Variants in HYAL4 observed in about 807,000 individuals in gnomAD.
HYAL4 encodes the protein hyaluronidase 4.
In HYAL4, 37 loss-of-function variants were observed where a neutral mutation model predicts 35.2. The ratio of observed to expected loss-of-function variants is 1.05; its 90% CI spans 0.81 to 1.38. The LOEUF is 1.38. Ranked by LOEUF, HYAL4 falls within the 40% of genes most tolerant of loss-of-function variation. The pLI, the probability that HYAL4 is intolerant of heterozygous loss-of-function variation, is 0.00. For missense variants in HYAL4, 572 were observed against 572.4 expected, an observed-to-expected ratio of 1.00 and a Z score of 0.01; for synonymous variants, 198 against 203.2, an observed-to-expected ratio of 0.97 and a Z score of 0.22.
At chr7:123,775,957 T>C in the HYAL4 span, among the ~76,000 whole-genome samples, 2 of 152,322 alleles carry the variant, frequency 1.3e-5, no homozygotes, top group East Asian at 3.9e-4. Context: ...ACTTTAGCCA[T>C]CTGGAAAATC....
the HYAL4 span, among the ~76,000 whole-genome samples, chr7:123,803,384 C>A: frequency 6.6e-6 from 1 of 151,636 alleles, no homozygotes; most frequent in Non-Finnish European, 1.5e-5. Flanking sequence ...ACTCATAAAC[C>A]CCTTCAATGT....
chr7:123,828,457 CACACA>C (rs1805832416), upstream of HYAL4, among the ~76,000 whole-genome samples: 4 of 150,860 alleles, frequency 2.7e-5, no homozygotes, highest in Non-Finnish European at 3.0e-5. Context: ...CACACACACA[CACACA>C]CCTCTAAAAA....
chr7:123,783,586 CAGAG>C, the HYAL4 span, among the ~76,000 whole-genome samples: 2 of 152,016 alleles, frequency 1.3e-5, no homozygotes, highest in Non-Finnish European at 2.9e-5. Flanking sequence ...GACAGACACA[CAGAG>C]AGTATAAGTA....
intron 2 of HYAL4, among the ~76,000 whole-genome samples, chr7:123,855,150 T>C (rs1427974291): frequency 1.3e-5 from 2 of 152,228 alleles, no homozygotes; most frequent in African/African-American, 2.4e-5. Flanking sequence ...ACTTGACTCT[T>C]CATCCAATTT....
At chr7:123,816,849 C>T in the HYAL4 span, among the ~76,000 whole-genome samples, 8 of 151,926 alleles carry the variant, frequency 5.3e-5, no homozygotes, top group Non-Finnish European at 7.4e-5. Context: ...CTTTCCAACG[C>T]ATTTTTTTTT....
the HYAL4 span, among the ~76,000 whole-genome samples, chr7:123,795,942 C>T: frequency 2.0e-5 from 3 of 152,138 alleles, no homozygotes; most frequent in African/African-American, 7.2e-5. Flanking sequence ...AAACTGGTTC[C>T]TTGAGTACTG....
chr7:123,769,175 A>G, the HYAL4 span, among the ~76,000 whole-genome samples: 6 of 152,224 alleles, frequency 3.9e-5, no homozygotes, highest in Non-Finnish European at 7.3e-5. Context: ...AAGAGGATCT[A>G]TCTTAATTTA....
the HYAL4 span, among the ~76,000 whole-genome samples, chr7:123,818,873 A>G: frequency 6.6e-6 from 1 of 152,184 alleles, no homozygotes; most frequent in Admixed American, 6.6e-5. Context: ...AGGTACATAT[A>G]CATTGCAGAA....
the HYAL4 span, among the ~76,000 whole-genome samples, chr7:123,769,608 T>A: frequency 6.6e-6 from 1 of 152,248 alleles, no homozygotes; most frequent in Non-Finnish European, 1.5e-5. Flanking sequence ...TGGCAGCTGA[T>A]GGCTTCTGCC....
At chr7:123,856,883 C>T (rs957432219) in intron 2 of HYAL4, among the ~76,000 whole-genome samples, 2 of 152,158 alleles carry the variant, frequency 1.3e-5, no homozygotes, top group Non-Finnish European at 2.9e-5. Flanking sequence ...GATGCCCTGC[C>T]CAGAGAGGAG....
intron 1 of HYAL4, among the ~76,000 whole-genome samples, chr7:123,846,847 A>C (rs1002683430): frequency 6.6e-6 from 1 of 151,990 alleles, no homozygotes; most frequent in Admixed American, 6.6e-5. Flanking sequence ...CCTGTATTTC[A>C]CTCAGCTCTC....
chr7:123,800,085 C>T, the HYAL4 span, among the ~76,000 whole-genome samples: 5 of 152,252 alleles, frequency 3.3e-5, no homozygotes, highest in East Asian at 9.7e-4. Context: ...ATCGCTTTAA[C>T]TGGGTAAGTG....
chr7:123,765,853 A>G, the HYAL4 span, among the ~76,000 whole-genome samples: 1 of 152,058 alleles, frequency 6.6e-6, no homozygotes, highest in Non-Finnish European at 1.5e-5. Context: ...AAGAGAAACC[A>G]TTGCCCCAAG....
chr7:123,868,621 A>G lies in HYAL4; in HGVS notation c.348A>G (p.Ile116Met). 6.2e-7 allele frequency: 1 copy of G among 1,614,136 alleles called. No homozygotes were observed. Among genetic ancestry groups the G allele is most frequent in the Non-Finnish European group, 8.5e-7 (1 of 1,180,012 alleles). ...VPINGGLPQN[I>M]SLQVHLEKAD... ...TTAATGGAGGTCTCCCACAGAACATAAGTTTACAAGTACATCTGGAAAAAG... is the reference window on the plus strand; with the variant it reads ...TTAATGGAGGTCTCCCACAGAACATGAGTTTACAAGTACATCTGGAAAAAG... The change falls in exon 3 of 5, where the codon ATA becomes ATG. Residue 116 changes from isoleucine (I) to methionine (M), a missense_variant. Coordinates refer to ENST00000223026, the MANE Select transcript of HYAL4 (RefSeq NM_012269.3).
chr7:123,834,824 T>A (rs994145391), intron 1 of HYAL4, among the ~76,000 whole-genome samples: 4 of 152,210 alleles, frequency 2.6e-5, no homozygotes, highest in African/African-American at 9.6e-5. Flanking sequence ...TTTTTCTGCA[T>A]CTATTGAGAT....
upstream of HYAL4, among the ~76,000 whole-genome samples, chr7:123,841,106 A>G (rs1017953480): frequency 6.6e-6 from 1 of 152,004 alleles, no homozygotes; most frequent in African/African-American, 2.4e-5. Flanking sequence ...CCCATTCAGT[A>G]TGATATTGGC....
the HYAL4 span, among the ~76,000 whole-genome samples, chr7:123,767,091 T>C: frequency 2.6e-5 from 4 of 152,238 alleles, no homozygotes; most frequent in Non-Finnish European, 4.4e-5. Context: ...TAAAAAATTA[T>C]ATATGTTTAA....
the HYAL4 span, chr7:123,815,070 G>T: frequency 6.6e-6 from 1 of 152,632 alleles, no homozygotes; most frequent in African/African-American, 2.4e-5. Context: ...AAAAAAAATG[G>T]AAATTTGGTA....
chr7:123,772,655 A>G, the HYAL4 span, among the ~76,000 whole-genome samples: 1 of 152,242 alleles, frequency 6.6e-6, no homozygotes, highest in Non-Finnish European at 1.5e-5. Context: ...GCAGCAATCC[A>G]ATTATCTGAT....
Sources: allele counts gnomAD v4.1 joint callset (sites outside exome capture counted in the v4.1 genomes callset), GRCh38; gene constraint gnomAD v4.1.1; transcripts MANE v1.5; gene names NCBI Gene and HGNC (gene_info 2026-07-23, HGNC 2026-07-21).